Variants in BRWD3 observed in about 807,000 individuals in gnomAD.
BRWD3 encodes the protein bromodomain and WD repeat-containing protein 3.
BRWD3 carries 10 observed loss-of-function variants against 149.7 expected under a neutral mutation model. The observed-to-expected ratio is 0.07, with a 90% CI of 0.04 to 0.11. The LOEUF (loss-of-function observed/expected upper bound fraction) is 0.11, where lower values mean the gene tolerates loss of function less well. Ranked by LOEUF, BRWD3 falls within the 10% of genes least tolerant of loss-of-function variation. The pLI is 1.00. For synonymous variants in BRWD3, 504 were observed against 456.7 expected, an observed-to-expected ratio of 1.10 and a Z score of -1.32; for missense variants, 940 against 1,373.2, an observed-to-expected ratio of 0.68 and a Z score of 4.99.
At chrX:80,695,596 C>T (rs910805534) in intron 27 of BRWD3, among the ~76,000 whole-genome samples, 1 of 111,392 alleles carries the variant, frequency 9.0e-6, no homozygotes, top group Non-Finnish European at 1.9e-5. Context: ...AAACAAATCA[C>T]AATCAGTAAT....
intron 20 of BRWD3, among the ~76,000 whole-genome samples, chrX:80,713,481 G>A (rs1353387193): frequency 9.1e-6 from 1 of 110,325 alleles, no homozygotes; most frequent in Admixed American, 9.5e-5. Context: ...TTAAACAGAT[G>A]CTTGAAGGCA....
At chrX:80,691,271 T>A (rs2072607732) in intron 30 of BRWD3, 98 bp from the exon 31 acceptor site, 11 of 766,607 alleles carry the variant, frequency 1.4e-5, no homozygotes, top group Non-Finnish European at 2.1e-5. Flanking sequence ...GGGAGGGTGA[T>A]ATACTACTTT....
chrX:80,710,600 T>C (rs1180036642), intron 20 of BRWD3: 6 of 487,762 alleles, frequency 1.2e-5, no homozygotes, highest in Non-Finnish European at 1.9e-5. Flanking sequence ...ATGATGATGA[T>C]GTGTCTCCAA....
At chrX:80,711,199 A>G (rs752625902) in intron 20 of BRWD3, among the ~76,000 whole-genome samples, 2 of 111,802 alleles carry the variant, frequency 1.8e-5, no homozygotes, top group South Asian at 7.5e-4. Context: ...GGATTTAATA[A>G]TCTATACTTT....
At chrX:80,738,229 A>G (rs1481689264) in intron 8 of BRWD3, among the ~76,000 whole-genome samples, 1 of 112,493 alleles carries the variant, frequency 8.9e-6, no homozygotes, top group African/African-American at 3.2e-5. Flanking sequence ...TTAATGAGAA[A>G]TCATGTTATG....
chrX:80,744,705 TA>T (rs1369210692), intron 7 of BRWD3, among the ~76,000 whole-genome samples: 23 of 112,210 alleles, frequency 2.0e-4, no homozygotes, highest in Non-Finnish European at 3.2e-4. Flanking sequence ...AAAAATATAT[TA>T]AACTTCCTTT....
At chrX:80,754,940 G>A (rs1026543766) in intron 6 of BRWD3, among the ~76,000 whole-genome samples, 4 of 111,386 alleles carry the variant, frequency 3.6e-5, no homozygotes, top group African/African-American at 6.5e-5. Context: ...CCCAGAAGGC[G>A]GAGGTTGCAG....
intron 5 of BRWD3, among the ~76,000 whole-genome samples, chrX:80,792,466 TTC>T (rs757374270): frequency 2.7e-5 from 3 of 112,158 alleles, no homozygotes; most frequent in Non-Finnish European, 5.6e-5. Context: ...CTGTGTTTTT[TTC>T]TCTTTCATGT....
chrX:80,747,512 A>C (rs1473618718), intron 6 of BRWD3, among the ~76,000 whole-genome samples: 2 of 111,036 alleles, frequency 1.8e-5, no homozygotes, highest in Non-Finnish European at 3.8e-5. Flanking sequence ...AGGGGAAAAA[A>C]AAAACAAAAC....
intron 8 of BRWD3, among the ~76,000 whole-genome samples, chrX:80,738,140 T>A (rs1335129178): frequency 8.9e-6 from 1 of 112,454 alleles, no homozygotes. Context: ...TATTGAAACC[T>A]TTATCTCCAT....
intron 17 of BRWD3, 121 bp downstream of exon 17, chrX:80,722,441 G>C: frequency 3.0e-6 from 2 of 660,124 alleles, no homozygotes; most frequent in Non-Finnish European, 4.8e-6. Flanking sequence ...AACAGTAACA[G>C]AAGATGAAAC....
intron 6 of BRWD3, among the ~76,000 whole-genome samples, chrX:80,785,470 C>A (rs909495892): frequency 3.6e-5 from 4 of 112,067 alleles, no homozygotes; most frequent in African/African-American, 1.3e-4. Context: ...AATTAACTCT[C>A]AAATTCCTTC....
chrX:80,803,131 G>A (rs928989377), intron 4 of BRWD3, among the ~76,000 whole-genome samples: 40 of 103,401 alleles, frequency 3.9e-4, no homozygotes, highest in African/African-American at 1.4e-3. Context: ...AAAAAGAAAT[G>A]TCAAGCAAGG....
chrX:80,754,964 C>T (rs766163630), intron 6 of BRWD3, among the ~76,000 whole-genome samples: 3 of 111,058 alleles, frequency 2.7e-5, no homozygotes, highest in South Asian at 7.6e-4. Flanking sequence ...GCCGAGATGG[C>T]GCCACTGGAC....
At chrX:80,684,828 C>T (rs1458873421) in intron 36 of BRWD3, among the ~76,000 whole-genome samples, 1 of 110,774 alleles carries the variant, frequency 9.0e-6, no homozygotes, top group East Asian at 2.8e-4. Flanking sequence ...ATATATGCTA[C>T]AAGCCTCAAA....
chrX:80,789,735 T>A (rs995501598), intron 6 of BRWD3, among the ~76,000 whole-genome samples: 1 of 111,071 alleles, frequency 9.0e-6, no homozygotes, highest in Non-Finnish European at 1.9e-5. Context: ...TTTTAACATA[T>A]GAAAAGCTAC....
At chrX:80,770,587 T>C (rs988787498) in intron 6 of BRWD3, among the ~76,000 whole-genome samples, 10 of 111,515 alleles carry the variant, frequency 9.0e-5, no homozygotes, top group African/African-American at 3.3e-4. Flanking sequence ...AACTAGGTAC[T>C]GATCGAACGT....
At position 80,696,871 on chromosome X, in the gene BRWD3, T is replaced by A. The variant is rs1441638421; in HGVS notation, c.2944-8A>T. The A allele has an allele frequency of 8.5e-7, 1 of 1,174,020 alleles. No homozygotes were observed. Among genetic ancestry groups the A allele is most frequent in the Non-Finnish European group, 1.2e-6 (1 of 862,398 alleles). On this transcript the variant is annotated splice_region_variant and splice_polypyrimidine_tract_variant and intron_variant, in intron 25 of 40. Coordinates refer to ENST00000373275, the MANE Select transcript of BRWD3 (RefSeq NM_153252.5). Reference sequence around the variant, plus strand: ...CTTAACAAACTCTTGCTCCTATTCATGAGAATACCAATAAATTATTACTTT... The same window carrying A: ...CTTAACAAACTCTTGCTCCTATTCAAGAGAATACCAATAAATTATTACTTT...
chrX:80,743,020 T>C (rs970543031), intron 8 of BRWD3, among the ~76,000 whole-genome samples: 10 of 111,854 alleles, frequency 8.9e-5, no homozygotes, highest in African/African-American at 2.9e-4. Context: ...CAGTGTGATA[T>C]TGGCTGTGGG....
Sources: gnomAD v4.1 joint callset for allele counts (sites outside exome capture counted in the v4.1 genomes callset) on GRCh38, gnomAD v4.1.1 for gene constraint, MANE v1.5 for transcripts, NCBI Gene and HGNC (gene_info 2026-07-23, HGNC 2026-07-21) for gene names.